The following HECW1 variants were observed in gnomAD, a reference collection of about 807,000 sequenced individuals.
The protein encoded by HECW1 is E3 ubiquitin-protein ligase HECW1.
HECW1 carries 61 observed loss-of-function variants against 182.3 expected under a neutral mutation model. That is an observed-to-expected ratio of 0.33 (90% CI 0.27 to 0.41). The LOEUF (loss-of-function observed/expected upper bound fraction) is 0.41. Among genes scored for constraint, HECW1 ranks in the 10% least tolerant of loss-of-function variants. The probability of loss-of-function intolerance (pLI) is 1.00; values close to 1 mark genes in which losing one functional copy is unlikely to be tolerated. For missense variants in HECW1, 1,739 were observed against 2,108.9 expected, an observed-to-expected ratio of 0.82 and a Z score of 3.44; for synonymous variants, 859 against 832.6, an observed-to-expected ratio of 1.03 and a Z score of -0.55.
intron 8 of HECW1, among the ~76,000 whole-genome samples, chr7:43,410,684 T>C (rs1326990685): frequency 6.6e-6 from 1 of 152,238 alleles, no homozygotes; most frequent in African/African-American, 2.4e-5. Context: ...CTTTAAATTA[T>C]GAATTTAGTC....
intron 2 of HECW1, among the ~76,000 whole-genome samples, chr7:43,159,318 TG>T (rs1790245921): frequency 6.6e-6 from 1 of 152,002 alleles, no homozygotes; most frequent in African/African-American, 2.4e-5. Flanking sequence ...TTTCTCCTAA[TG>T]CTATCCTTCC....
intron 12 of HECW1, among the ~76,000 whole-genome samples, chr7:43,452,580 G>A (rs6463191): frequency 0.4 from 60,978 of 152,118 alleles, 12,544 homozygotes; most frequent in South Asian, 0.48. Context: ...TTGAATGTTT[G>A]CCCTGTGCTA....
chr7:43,181,126 C>T (rs533486582), intron 2 of HECW1, among the ~76,000 whole-genome samples: 2 of 150,620 alleles, frequency 1.3e-5, no homozygotes, highest in East Asian at 3.9e-4. Context: ...TGGCTTATTT[C>T]ACTTAACATA....
intron 2 of HECW1, among the ~76,000 whole-genome samples, chr7:43,152,991 T>A (rs1411157417): frequency 1.3e-5 from 2 of 152,202 alleles, no homozygotes; most frequent in African/African-American, 4.8e-5. Flanking sequence ...CCTCTGAGAA[T>A]AAACTTTCTG....
intron 8 of HECW1, 36 bp downstream of exon 8, chr7:43,407,767 A>G: frequency 6.3e-7 from 1 of 1,576,528 alleles, no homozygotes; most frequent in Non-Finnish European, 8.6e-7. Flanking sequence ...AGCCCAAGTA[A>G]AAGTGAAAGG....
intron 3 of HECW1, among the ~76,000 whole-genome samples, chr7:43,306,074 T>C (rs1807526842): frequency 6.6e-6 from 1 of 152,114 alleles, no homozygotes. Context: ...TTTGTGTATT[T>C]GTAGTAGAGA....
intron 2 of HECW1, among the ~76,000 whole-genome samples, chr7:43,137,410 C>T (rs1787660158): frequency 6.6e-6 from 1 of 152,188 alleles, no homozygotes; most frequent in Non-Finnish European, 1.5e-5. Context: ...GTATTCCTTC[C>T]TGCCTCTCTC....
chr7:43,273,027 A>G (rs777123065), intron 3 of HECW1, among the ~76,000 whole-genome samples: 3 of 152,232 alleles, frequency 2.0e-5, no homozygotes, highest in Non-Finnish European at 2.9e-5. Context: ...AGCAACATGC[A>G]TGCAGCGGGA....
intron 2 of HECW1, among the ~76,000 whole-genome samples, chr7:43,143,630 T>C (rs1324274303): frequency 1.3e-5 from 2 of 152,138 alleles, no homozygotes; most frequent in Non-Finnish European, 2.9e-5. Context: ...AGGATGAAGC[T>C]GTGGGCATAA....
At position 43,396,805 on chromosome 7, in the gene HECW1, T is replaced by C. The variant is rs1281621246; in HGVS notation, c.556-9T>C. ...TTTTGTTTGTCTCCCATTTTCCTTC[T>C]TTTTACAGATTTTTAAAAGCATTGG... On this transcript the variant is annotated splice_polypyrimidine_tract_variant and intron_variant, in intron 6 of 29. Transcript: ENST00000395891. The C allele has an allele frequency of 2.5e-6, 4 of 1,605,440 alleles. No individual in the cohort carries two copies. The highest frequency in any genetic ancestry group is 2.7e-5 in the African/African-American group (2 of 74,856).
chr7:43,360,867 T>G lies in HECW1; in HGVS notation c.461-19T>G. On this transcript the variant is annotated intron_variant, in intron 5 of 29. Transcript: ENST00000395891. ...GGTTACACCCTACTTCTCAGTCTCA[T>G]TTTTTGTTTGTCTTTCAGCTGAAAC... is the stretch of plus-strand genomic sequence containing the variant. 6.3e-7 allele frequency: 1 copy of G among 1,598,456 alleles called. No individual in the cohort carries two copies. Among genetic ancestry groups the G allele is most frequent in the Non-Finnish European group, 8.6e-7 (1 of 1,165,772 alleles).
intron 24 of HECW1, among the ~76,000 whole-genome samples, chr7:43,535,250 T>C (rs1188025578): frequency 6.6e-6 from 1 of 152,134 alleles, no homozygotes; most frequent in East Asian, 1.9e-4. Context: ...CTTGGGAAGA[T>C]GGGCTGGAAA....
intron 29 of HECW1, among the ~76,000 whole-genome samples, chr7:43,555,265 C>T (rs1213722430): frequency 6.6e-6 from 1 of 152,166 alleles, no homozygotes; most frequent in African/African-American, 2.4e-5. Flanking sequence ...ATACATGTAT[C>T]TCTGGGTCTC....
At chr7:43,409,010 T>G (rs1046166453) in intron 8 of HECW1, among the ~76,000 whole-genome samples, 1 of 152,226 alleles carries the variant, frequency 6.6e-6, no homozygotes, top group African/African-American at 2.4e-5. Flanking sequence ...ATTTCTTCCT[T>G]TATTTTTCAG....
At chr7:43,392,828 T>C (rs867638298) in intron 6 of HECW1, among the ~76,000 whole-genome samples, 12 of 152,184 alleles carry the variant, frequency 7.9e-5, no homozygotes, top group African/African-American at 2.9e-4. Context: ...TGAGCTATAG[T>C]CTCCGGACTG....
intron 2 of HECW1, among the ~76,000 whole-genome samples, chr7:43,205,395 TA>T (rs1161611826): frequency 1.3e-5 from 2 of 152,190 alleles, no homozygotes; most frequent in Non-Finnish European, 2.9e-5. Flanking sequence ...GCAGGCATTT[TA>T]AGGGGGCTGG....
At position 43,336,144 on chromosome 7, in the gene HECW1, T is replaced by TTCTCTCTCTCTCTCTC. The variant is rs768468130; in HGVS notation, c.460+15442_460+15457dup. 2.9e-3 allele frequency among the ~76,000 whole-genome samples: 151 copies of TTCTCTCTCTCTCTCTC among 51,958 alleles called. 2 individuals are homozygous for TTCTCTCTCTCTCTCTC. Among genetic ancestry groups the TTCTCTCTCTCTCTCTC allele is most frequent in the Non-Finnish European group, 4.2e-3 (113 of 27,174 alleles). 34.1% of individuals were successfully genotyped at this position (51,958 alleles called of 152,430 possible). On this transcript the variant is annotated intron_variant, in intron 5 of 29. Coordinates refer to ENST00000395891, the MANE Select transcript of HECW1 (RefSeq NM_015052.5). ...TTTCTTTCTCTCTCTCTCTCTCTCT[T>TTCTCTCTCTCTCTCTC]TCTCTCTCTCTCTCTCTCTCTCTCT...
intron 2 of HECW1, among the ~76,000 whole-genome samples, chr7:43,197,485 A>T (rs1317350349): frequency 6.6e-6 from 1 of 152,208 alleles, no homozygotes; most frequent in African/African-American, 2.4e-5. Context: ...GAGCGTGCAC[A>T]GTGGCCCAAG....
intron 2 of HECW1, among the ~76,000 whole-genome samples, chr7:43,186,427 G>A (rs1793401438): frequency 2.0e-5 from 3 of 152,106 alleles, no homozygotes; most frequent in Non-Finnish European, 2.9e-5. Context: ...CAGCACTTTG[G>A]GAGGCCGAGG....
Sources: gnomAD v4.1 joint callset for allele counts (sites outside exome capture counted in the v4.1 genomes callset) on GRCh38, gnomAD v4.1.1 for gene constraint, MANE v1.5 for transcripts, NCBI Gene and HGNC (gene_info 2026-07-23, HGNC 2026-07-21) for gene names.